Variants in PHACTR3 observed in about 807,000 individuals in gnomAD.
PHACTR3 encodes protein phosphatase 1, regulatory subunit 123.
PHACTR3 carries 16 observed loss-of-function variants against 66.8 expected under a neutral mutation model. The ratio of observed to expected loss-of-function variants is 0.24; its 90% CI spans 0.16 to 0.36. The LOEUF is 0.36. PHACTR3 is among the 10% of genes least tolerant of loss of function. The pLI, the probability that PHACTR3 is intolerant of heterozygous loss-of-function variation, is 1.00. For synonymous variants in PHACTR3, 323 were observed against 292.1 expected, an observed-to-expected ratio of 1.11 and a Z score of -1.08; for missense variants, 647 against 719.9, an observed-to-expected ratio of 0.90 and a Z score of 1.16.
intron 1 of PHACTR3, among the ~76,000 whole-genome samples, chr20:59,666,967 G>A (rs754412666): frequency 3.1e-4 from 47 of 152,292 alleles, no homozygotes; most frequent in Admixed American, 5.9e-4. Flanking sequence ...TTTGAGGGTC[G>A]TTTATTGACC....
chr20:59,806,401 C>T (rs531027651), intron 8 of PHACTR3, among the ~76,000 whole-genome samples: 10 of 152,186 alleles, frequency 6.6e-5, no homozygotes, highest in East Asian at 1.9e-4. Flanking sequence ...AGATGTTTAG[C>T]GGCATTCTCG....
intron 1 of PHACTR3, among the ~76,000 whole-genome samples, chr20:59,609,855 A>C (rs1389278911): frequency 1.3e-5 from 2 of 152,270 alleles, no homozygotes; most frequent in Non-Finnish European, 2.9e-5. Flanking sequence ...AGGGTTATTA[A>C]AAACATAAAA....
At chr20:59,798,808 T>C (rs1046077746) in intron 7 of PHACTR3, among the ~76,000 whole-genome samples, 5 of 152,054 alleles carry the variant, frequency 3.3e-5, no homozygotes, top group South Asian at 2.1e-4. Context: ...TTAAATTTCA[T>C]TGGTTTCTGC....
intron 3 of PHACTR3, 108 bp from the exon 4 acceptor site, chr20:59,755,074 G>T: frequency 8.7e-7 from 1 of 1,145,540 alleles, no homozygotes; most frequent in African/African-American, 1.5e-5. Flanking sequence ...GAGGGGTGGG[G>T]GACCACCCAG....
At chr20:59,635,671 T>G (rs771000271) in intron 1 of PHACTR3, among the ~76,000 whole-genome samples, 24 of 152,374 alleles carry the variant, frequency 1.6e-4, no homozygotes, top group Non-Finnish European at 3.2e-4. Flanking sequence ...AATCCCATGC[T>G]GTAGAGATAA....
intron 1 of PHACTR3, among the ~76,000 whole-genome samples, chr20:59,620,234 A>G (rs968961248): frequency 3.3e-5 from 5 of 152,228 alleles, no homozygotes; most frequent in African/African-American, 1.2e-4. Context: ...AAAATAGTAA[A>G]AAAATAACTC....
At chr20:59,734,441 A>G (rs566234983) in intron 1 of PHACTR3, among the ~76,000 whole-genome samples, 2 of 152,160 alleles carry the variant, frequency 1.3e-5, no homozygotes, top group Non-Finnish European at 2.9e-5. Context: ...TCGTTTTTGT[A>G]GAGACAGGGT....
chr20:59,817,961 T>A (rs567911943), intron 8 of PHACTR3, among the ~76,000 whole-genome samples: 44 of 152,332 alleles, frequency 2.9e-4, no homozygotes, highest in Admixed American at 1.1e-3. Flanking sequence ...TTTTCAACTC[T>A]TGAGTTAGCA....
chr20:59,846,028 G>A (rs936369402), intron 12 of PHACTR3, among the ~76,000 whole-genome samples: 3 of 152,066 alleles, frequency 2.0e-5, no homozygotes, highest in African/African-American at 7.2e-5. Context: ...TAGTAATTAT[G>A]TGAAGTTCTC....
intron 1 of PHACTR3, among the ~76,000 whole-genome samples, chr20:59,599,373 C>A (rs2033410805): frequency 6.6e-6 from 1 of 152,220 alleles, no homozygotes; most frequent in Non-Finnish European, 1.5e-5. Context: ...CAGGGAACTT[C>A]AAGGCTCCCA....
chr20:59,831,313 C>T (rs2042367354), intron 8 of PHACTR3, among the ~76,000 whole-genome samples: 1 of 152,220 alleles, frequency 6.6e-6, no homozygotes, highest in African/African-American at 2.4e-5. Context: ...CCAGCCTGGT[C>T]CTTCCGGCCT....
At chr20:59,743,690 A>G (rs2039261030) in intron 2 of PHACTR3, among the ~76,000 whole-genome samples, 2 of 152,198 alleles carry the variant, frequency 1.3e-5, no homozygotes, top group African/African-American at 4.8e-5. Context: ...CACACCTGCA[A>G]TCTCACTTGG....
chr20:59,773,004 AG>A (rs1454576008), intron 5 of PHACTR3, among the ~76,000 whole-genome samples: 2 of 152,174 alleles, frequency 1.3e-5, no homozygotes, highest in Non-Finnish European at 2.9e-5. Flanking sequence ...GGCTTTTCTA[AG>A]CCCAGCGCCC....
intron 1 of PHACTR3, among the ~76,000 whole-genome samples, chr20:59,698,278 A>C (rs975274710): frequency 6.6e-6 from 1 of 152,182 alleles, no homozygotes; most frequent in Non-Finnish European, 1.5e-5. Context: ...GTCAATGTGA[A>C]ATGAAAAAAA....
intron 8 of PHACTR3, among the ~76,000 whole-genome samples, chr20:59,811,815 G>C (rs540591043): frequency 3.3e-5 from 5 of 152,212 alleles, no homozygotes; most frequent in Admixed American, 2.6e-4. Flanking sequence ...TCTCAGCTGC[G>C]TGAGATAGGC....
intron 7 of PHACTR3, among the ~76,000 whole-genome samples, chr20:59,778,700 A>G (rs1044926879): frequency 1.3e-5 from 2 of 152,202 alleles, no homozygotes; most frequent in Non-Finnish European, 2.9e-5. Context: ...TATCAGTTAC[A>G]TGAATGAGCC....
chr20:59,767,976 C>T (rs548364714), intron 5 of PHACTR3, among the ~76,000 whole-genome samples: 1 of 151,974 alleles, frequency 6.6e-6, no homozygotes, highest in Non-Finnish European at 1.5e-5. Context: ...CTTCCTCCCT[C>T]CCTCTCTCTG....
intron 7 of PHACTR3, among the ~76,000 whole-genome samples, chr20:59,792,701 A>G (rs1427543074): frequency 2.0e-5 from 3 of 152,162 alleles, no homozygotes; most frequent in African/African-American, 7.2e-5. Flanking sequence ...ACTTATCACC[A>G]TATCTTTGTT....
At chr20:59,810,217 G>C (rs1182528) in intron 8 of PHACTR3, among the ~76,000 whole-genome samples, 40,162 of 152,250 alleles carry the variant, frequency 0.26, 5,737 homozygotes, top group Middle Eastern at 0.33. Context: ...AGGAAGTTGG[G>C]AGAAGGTTGG....
Sources: allele counts gnomAD v4.1 joint callset (sites outside exome capture counted in the v4.1 genomes callset), GRCh38; gene constraint gnomAD v4.1.1; transcripts MANE v1.5; gene names NCBI Gene and HGNC (gene_info 2026-07-23, HGNC 2026-07-21).